The following NHS variants were observed in gnomAD, a reference collection of about 807,000 sequenced individuals.
NHS encodes the protein NHS actin remodeling regulator.
A neutral mutation model predicts 72.5 loss-of-function variants in NHS; 5 were observed. That is an observed-to-expected ratio of 0.07 (90% CI 0.04 to 0.14). The LOEUF is 0.14. Among genes scored for constraint, NHS ranks in the 10% least tolerant of loss-of-function variants. The probability of loss-of-function intolerance (pLI) is 1.00; values close to 1 mark genes in which losing one functional copy is unlikely to be tolerated. For missense variants in NHS, 1,072 were observed against 1,355.7 expected (o/e 0.79, Z 3.29); for synonymous variants, 464 against 547.7 (o/e 0.85, Z 2.13).
chrX:17,508,575 A>T (rs2146929071), intron 1 of NHS, among the ~76,000 whole-genome samples: 1 of 111,312 alleles, frequency 9.0e-6, no homozygotes, highest in African/African-American at 3.3e-5. Flanking sequence ...GGCTCAAGTG[A>T]TTCTCCTGCC....
intron 1 of NHS, chrX:17,635,461 C>T (rs1008756988): frequency 4.3e-6 from 5 of 1,164,946 alleles, no homozygotes; most frequent in Non-Finnish European, 4.6e-6. Context: ...TCCCCCCCGC[C>T]GTGCTTGCTG....
intron 3 of NHS, among the ~76,000 whole-genome samples, chrX:17,695,480 T>C (rs949072831): frequency 8.9e-6 from 1 of 111,954 alleles, no homozygotes; most frequent in Non-Finnish European, 1.9e-5. Flanking sequence ...TTGTGTATAG[T>C]ATAATCTCAA....
intron 1 of NHS, among the ~76,000 whole-genome samples, chrX:17,555,283 A>C (rs1450253394): frequency 1.1e-5 from 1 of 93,989 alleles, no homozygotes; most frequent in Non-Finnish European, 2.1e-5. Context: ...TCAGTAGTTT[A>C]TCTGTCCCCT....
chrX:17,505,150 A>G (rs2065051365), intron 1 of NHS, among the ~76,000 whole-genome samples: 1 of 111,430 alleles, frequency 9.0e-6, no homozygotes, highest in South Asian at 3.7e-4. Context: ...TAAATTAGCT[A>G]CTCATTTTTT....
chrX:17,680,317 A>C (rs1189126389), intron 1 of NHS, among the ~76,000 whole-genome samples: 1 of 112,531 alleles, frequency 8.9e-6, no homozygotes, highest in Non-Finnish European at 1.9e-5. Context: ...CTCAGAAGAC[A>C]TTGGCTTTGG....
At chrX:17,480,937 A>T (rs189924959) in intron 1 of NHS, among the ~76,000 whole-genome samples, 2 of 111,762 alleles carry the variant, frequency 1.8e-5, no homozygotes, top group East Asian at 5.6e-4. Context: ...TGTGCCCATG[A>T]CTTCCTTAGT....
intron 1 of NHS, among the ~76,000 whole-genome samples, chrX:17,554,209 CTG>C (rs984791973): frequency 8.9e-6 from 1 of 112,315 alleles, no homozygotes; most frequent in African/African-American, 3.2e-5. Flanking sequence ...TTCAAGGAAA[CTG>C]TTGACCCAGG....
At chrX:17,489,556 C>T (rs2064981466) in intron 1 of NHS, among the ~76,000 whole-genome samples, 1 of 112,155 alleles carries the variant, frequency 8.9e-6, no homozygotes, top group Admixed American at 9.4e-5. Context: ...GGCACTATCT[C>T]AGCTCACTGA....
chrX:17,561,561 C>T (rs1350618349), intron 1 of NHS, among the ~76,000 whole-genome samples: 5 of 67,131 alleles, frequency 7.4e-5, no homozygotes, highest in African/African-American at 3.8e-4. Flanking sequence ...AGTGCATGCG[C>T]GCGCGCGCGC....
intron 1 of NHS, among the ~76,000 whole-genome samples, chrX:17,626,624 A>G (rs916116415): frequency 1.8e-5 from 2 of 111,702 alleles, no homozygotes; most frequent in Non-Finnish European, 3.8e-5. Context: ...ACTCCACATC[A>G]GTGTCAGAAA....
chrX:17,388,424 G>A lies in NHS; in HGVS notation c.565+12102G>A, dbSNP rs768210841. 2.2e-4 allele frequency among the ~76,000 whole-genome samples: 24 copies of A among 111,269 alleles called. No individual in the cohort carries two copies. The South Asian group carries it at 9.2e-3, about 43-fold the overall frequency. On this transcript the variant is annotated intron_variant, in intron 1 of 8. Transcript: ENST00000676302. Reference sequence around the variant, plus strand: ...GGGTGGTCAGGTGGGCCTCACTGAGGAAGTGGCATTTGAGCAAAGATTGGA... The same window carrying A: ...GGGTGGTCAGGTGGGCCTCACTGAGAAAGTGGCATTTGAGCAAAGATTGGA...
intron 1 of NHS, among the ~76,000 whole-genome samples, chrX:17,493,703 T>C: frequency 8.9e-6 from 1 of 111,815 alleles, no homozygotes. Context: ...TGGAAGCTTA[T>C]TAGAAATGCA....
intron 1 of NHS, among the ~76,000 whole-genome samples, chrX:17,414,974 A>G (rs930077422): frequency 2.3e-4 from 26 of 111,261 alleles, no homozygotes; most frequent in Non-Finnish European, 4.3e-4. Context: ...GCCCTTGGCA[A>G]CACTGCATGG....
At chrX:17,607,283 C>G (rs758827954) in intron 1 of NHS, among the ~76,000 whole-genome samples, 9 of 111,546 alleles carry the variant, frequency 8.1e-5, no homozygotes, top group Non-Finnish European at 1.7e-4. Flanking sequence ...ATAACCTACC[C>G]CATCGGATTA....
At chrX:17,459,265 T>C (rs1239173071) in intron 1 of NHS, among the ~76,000 whole-genome samples, 1 of 111,605 alleles carries the variant, frequency 9.0e-6, no homozygotes, top group East Asian at 2.8e-4. Context: ...CTCAGAAAAT[T>C]TGGATGGATG....
intron 3 of NHS, among the ~76,000 whole-genome samples, chrX:17,695,528 A>G (rs2066223351): frequency 8.9e-6 from 1 of 112,007 alleles, no homozygotes; most frequent in Admixed American, 9.5e-5. Context: ...GTACATATAC[A>G]TACGCATAGG....
At chrX:17,671,487 C>T (rs2066045356) in intron 1 of NHS, among the ~76,000 whole-genome samples, 1 of 112,739 alleles carries the variant, frequency 8.9e-6, no homozygotes, top group African/African-American at 3.2e-5. Context: ...AGAACAAAAA[C>T]TTTGGCAGAT....
chrX:17,412,260 C>G (rs1384738053), intron 1 of NHS, among the ~76,000 whole-genome samples: 1 of 109,361 alleles, frequency 9.1e-6, no homozygotes, highest in Non-Finnish European at 1.9e-5. Context: ...ATCATCATAT[C>G]AAGAACATAG....
intron 1 of NHS, among the ~76,000 whole-genome samples, chrX:17,377,514 G>C (rs2064352945): frequency 8.8e-6 from 1 of 113,259 alleles, no homozygotes; most frequent in South Asian, 3.6e-4. Context: ...TGCCGCAGCT[G>C]CGCCGGTGCG....
Sources: gnomAD v4.1 joint callset for allele counts (sites outside exome capture counted in the v4.1 genomes callset) on GRCh38, gnomAD v4.1.1 for gene constraint, MANE v1.5 for transcripts, NCBI Gene and HGNC (gene_info 2026-07-23, HGNC 2026-07-21) for gene names.